HMGB1: variants seen among roughly 807,000 people sequenced by gnomAD.
The protein encoded by HMGB1 is high mobility group protein B1.
For synonymous variants in HMGB1, 81 were observed against 84.0 expected (o/e 0.96, Z 0.19); for missense variants, 79 against 253.5 (o/e 0.31, Z 4.67).
chr13:30,480,766 T>G (rs1370789636), intron 1 of HMGB1, among the ~76,000 whole-genome samples: 2 of 151,676 alleles, frequency 1.3e-5, no homozygotes, highest in African/African-American at 2.4e-5. Flanking sequence ...TCTCCTCCCC[T>G]CCCCGCCCTT....
At chr13:30,562,296 CAAAA>C (rs59745521) in intron 1 of HMGB1, among the ~76,000 whole-genome samples, 3 of 126,206 alleles carry the variant, frequency 2.4e-5, no homozygotes, top group Non-Finnish European at 3.3e-5. Context: ...GACTCAGTCT[CAAAA>C]AAAAAAAAAA....
chr13:30,507,386 T>C (rs1887892675), intron 1 of HMGB1, among the ~76,000 whole-genome samples: 1 of 152,170 alleles, frequency 6.6e-6, no homozygotes, highest in African/African-American at 2.4e-5. Context: ...GACTGGAAGA[T>C]TCCTAGGAGC....
chr13:30,502,066 C>T (rs908710249), intron 1 of HMGB1, among the ~76,000 whole-genome samples: 1 of 152,094 alleles, frequency 6.6e-6, no homozygotes, highest in Non-Finnish European at 1.5e-5. Context: ...TCAGAGTATT[C>T]CAAGAATAGT....
intron 1 of HMGB1, among the ~76,000 whole-genome samples, chr13:30,572,180 A>G (rs1384715495): frequency 6.6e-6 from 1 of 152,226 alleles, no homozygotes; most frequent in African/African-American, 2.4e-5. Context: ...GTTCATGGGT[A>G]TCAGGGTAAG....
At position 30,505,240 on chromosome 13, in the gene HMGB1, G is replaced by A. The variant is rs189943490; in HGVS notation, c.-14-41546C>T. ...GTCACCCAGGCTGGAGTACAGTGGC[G>A]CCATCTCAGCTCACTGCAACCTCCG... On this transcript the variant is annotated intron_variant, in intron 1 of 4. Coordinates refer to the HMGB1 transcript ENST00000405805. 7.4e-3 allele frequency among the ~76,000 whole-genome samples: 1,121 copies of A among 151,988 alleles called. 6 individuals are homozygous for A. The highest frequency in any genetic ancestry group is 0.011 in the Non-Finnish European group (767 of 67,982).
chr13:30,461,498 A>G lies in HMGB1; in HGVS notation c.507T>C (p.Asp169=). ...IAAYRAKGKP[D]AAKKGVVKAE... ...CCTTGACAACTCCCTTTTTTGCTGC[A>G]TCAGGCTTTCCTTTAGCTCGATATG... The change falls in exon 5 of 5, where the codon GAT becomes GAC. Residue 169 remains aspartate (D), a synonymous_variant. Transcript: ENST00000341423. The G allele has an allele frequency of 6.4e-7, 1 of 1,567,250 alleles. No homozygotes were observed. The highest frequency in any genetic ancestry group is 8.7e-7 in the Non-Finnish European group (1 of 1,154,850).
chr13:30,596,031 G>A (rs1297098526), intron 1 of HMGB1, among the ~76,000 whole-genome samples: 1 of 152,200 alleles, frequency 6.6e-6, no homozygotes, highest in African/African-American at 2.4e-5. Context: ...CTACACAGAA[G>A]AGAAAACACC....
At chr13:30,605,049 G>C (rs1457275669) in intron 1 of HMGB1, among the ~76,000 whole-genome samples, 2 of 152,210 alleles carry the variant, frequency 1.3e-5, no homozygotes, top group African/African-American at 4.8e-5. Flanking sequence ...AGGGTTTACT[G>C]CCTGAGCAAT....
At chr13:30,603,015 C>T (rs2137565762) in intron 1 of HMGB1, among the ~76,000 whole-genome samples, 2 of 152,274 alleles carry the variant, frequency 1.3e-5, no homozygotes, top group Non-Finnish European at 2.9e-5. Flanking sequence ...CTTATTGCCC[C>T]AAGCTGATCT....
At chr13:30,573,232 T>C (rs964211165) in intron 1 of HMGB1, among the ~76,000 whole-genome samples, 5 of 152,200 alleles carry the variant, frequency 3.3e-5, no homozygotes, top group Non-Finnish European at 7.3e-5. Context: ...CTAGAAACAC[T>C]ACAGTAGTGC....
At chr13:30,602,314 GCTAA>G (rs775273433) in intron 1 of HMGB1, among the ~76,000 whole-genome samples, 40 of 152,202 alleles carry the variant, frequency 2.6e-4, no homozygotes, top group Admixed American at 1.7e-3. Context: ...CAGCCCAGCT[GCTAA>G]CTGACTACAG....
intron 1 of HMGB1, among the ~76,000 whole-genome samples, chr13:30,525,247 T>C (rs1452148922): frequency 6.6e-6 from 1 of 152,250 alleles, no homozygotes; most frequent in Non-Finnish European, 1.5e-5. Flanking sequence ...ACATTGTATG[T>C]TCCTGATAAA....
At chr13:30,613,513 C>A (rs533831709) in intron 1 of HMGB1, among the ~76,000 whole-genome samples, 15 of 152,218 alleles carry the variant, frequency 9.9e-5, no homozygotes, top group Non-Finnish European at 2.1e-4. Context: ...TTGCTGTTTT[C>A]ATATGCTGCT....
At chr13:30,615,313 T>C (rs1950550576) in intron 1 of HMGB1, among the ~76,000 whole-genome samples, 1 of 152,238 alleles carries the variant, frequency 6.6e-6, no homozygotes, top group Non-Finnish European at 1.5e-5. Context: ...AATACAGGTT[T>C]ACAATTCCTT....
chr13:30,512,263 T>C (rs1458883336), intron 1 of HMGB1, among the ~76,000 whole-genome samples: 2 of 151,960 alleles, frequency 1.3e-5, no homozygotes, highest in Non-Finnish European at 2.9e-5. Flanking sequence ...GGGAGTAATA[T>C]CAGGGAAGTA....
chr13:30,510,915 G>GT (rs1301045295), intron 1 of HMGB1, among the ~76,000 whole-genome samples: 1 of 152,122 alleles, frequency 6.6e-6, no homozygotes. Flanking sequence ...AAAATGTATT[G>GT]TGTATATCAG....
chr13:30,592,209 G>A (rs1262464874), intron 1 of HMGB1, among the ~76,000 whole-genome samples: 3 of 151,326 alleles, frequency 2.0e-5, no homozygotes, highest in East Asian at 3.9e-4. Flanking sequence ...TACATTCATG[G>A]ATCTTCTTGA....
chr13:30,566,306 C>T (rs776560884), intron 1 of HMGB1, among the ~76,000 whole-genome samples: 3 of 152,206 alleles, frequency 2.0e-5, no homozygotes, highest in Non-Finnish European at 4.4e-5. Context: ...TGCTCTACAG[C>T]AGTGGTCGGC....
intron 1 of HMGB1, among the ~76,000 whole-genome samples, chr13:30,546,331 G>A (rs907918356): frequency 1.3e-5 from 2 of 152,164 alleles, no homozygotes; most frequent in Non-Finnish European, 2.9e-5. Context: ...GGCCAGGATG[G>A]TGTTGGTCTC....
Sources: gnomAD v4.1 joint callset for allele counts (sites outside exome capture counted in the v4.1 genomes callset) on GRCh38, gnomAD v4.1.1 for gene constraint, MANE v1.5 for transcripts, NCBI Gene and HGNC (gene_info 2026-07-23, HGNC 2026-07-21) for gene names.